CNTNAP2: variants seen among roughly 807,000 people sequenced by gnomAD.
CNTNAP2 encodes the protein contactin associated protein 2, also known as contactin-associated protein-like 2.
A neutral mutation model predicts 155.2 loss-of-function variants in CNTNAP2; 98 were observed. The observed-to-expected ratio is 0.63, with a 90% CI of 0.54 to 0.75. The LOEUF is 0.75. CNTNAP2 is among the 30% of genes least tolerant of loss of function. The probability of loss-of-function intolerance (pLI) is 0.00; values close to 1 mark genes in which losing one functional copy is unlikely to be tolerated. For missense variants in CNTNAP2, 1,727 were observed against 1,688.1 expected (o/e 1.02, Z -0.40); for synonymous variants, 651 against 631.2 (o/e 1.03, Z -0.47).
In CNTNAP2 at chr7:146,445,110, A is replaced by C. The variant is rs1796383956; in HGVS notation, c.97+328137A>C. ...CAGGAAGGGTCAGATTTTATACCAGAGTCACCAAAATTTTTATCCAGGGAG... is the reference window on the plus strand; with the variant it reads ...CAGGAAGGGTCAGATTTTATACCAGCGTCACCAAAATTTTTATCCAGGGAG... On this transcript the variant is annotated intron_variant, in intron 1 of 23. Transcript: ENST00000361727. 3.0e-5 allele frequency among the ~76,000 whole-genome samples: 3 copies of C among 101,462 alleles called. No homozygotes were observed. The South Asian group carries it at 6.8e-4, about 23-fold the overall frequency. 66.6% of individuals were successfully genotyped at this position (101,462 alleles called of 152,430 possible).
At chr7:147,442,655 C>T (rs1303417480) in intron 10 of CNTNAP2, among the ~76,000 whole-genome samples, 2 of 152,142 alleles carry the variant, frequency 1.3e-5, no homozygotes, top group African/African-American at 2.4e-5. Flanking sequence ...ACCCAAGGCC[C>T]TCAGTGTAGT....
intron 13 of CNTNAP2, among the ~76,000 whole-genome samples, chr7:147,822,931 G>A (rs544273094): frequency 1.2e-4 from 18 of 152,266 alleles, no homozygotes; most frequent in East Asian, 5.8e-4. Context: ...CAAGAGACAA[G>A]GGTTGGTACA....
At chr7:148,069,731 G>A (rs1320763015) in intron 15 of CNTNAP2, among the ~76,000 whole-genome samples, 4 of 146,280 alleles carry the variant, frequency 2.7e-5, no homozygotes, top group African/African-American at 1.0e-4. Context: ...CTGCACTCCA[G>A]CCTGGGTGAC....
At chr7:147,094,658 G>A (rs1040283851) in intron 4 of CNTNAP2, among the ~76,000 whole-genome samples, 3 of 151,750 alleles carry the variant, frequency 2.0e-5, no homozygotes, top group South Asian at 2.1e-4. Flanking sequence ...CGCCTGTCTC[G>A]GCCTCCGAAA....
intron 13 of CNTNAP2, among the ~76,000 whole-genome samples, chr7:147,758,233 T>C (rs1449483867): frequency 3.9e-5 from 6 of 152,350 alleles, no homozygotes; most frequent in African/African-American, 9.6e-5. Context: ...TAACATCAGC[T>C]AAAAGTCTGT....
chr7:147,539,547 G>A (rs1165552388), intron 11 of CNTNAP2, among the ~76,000 whole-genome samples: 1 of 152,162 alleles, frequency 6.6e-6, no homozygotes, highest in Non-Finnish European at 1.5e-5. Context: ...AACAAATTGA[G>A]ATTCTTGAAA....
chr7:147,658,770 C>G (rs1795569059), intron 13 of CNTNAP2, among the ~76,000 whole-genome samples: 1 of 152,206 alleles, frequency 6.6e-6, no homozygotes, highest in Admixed American at 6.5e-5. Flanking sequence ...CAAACTTGAT[C>G]TTGTTTACTG....
intron 13 of CNTNAP2, among the ~76,000 whole-genome samples, chr7:147,798,437 T>C (rs1432879228): frequency 1.3e-5 from 2 of 152,190 alleles, no homozygotes; most frequent in African/African-American, 2.4e-5. Context: ...CAGAGGTAAG[T>C]TTACTCCAGG....
chr7:146,803,663 T>C (rs1232899849), intron 2 of CNTNAP2, among the ~76,000 whole-genome samples: 1 of 152,208 alleles, frequency 6.6e-6, no homozygotes, highest in Admixed American at 6.5e-5. Context: ...CCTGGAAATA[T>C]AGATGCATAT....
intron 5 of CNTNAP2, among the ~76,000 whole-genome samples, chr7:147,113,629 A>G (rs1009560174): frequency 6.6e-6 from 1 of 152,112 alleles, no homozygotes; most frequent in Non-Finnish European, 1.5e-5. Flanking sequence ...GAACTCAATC[A>G]CTATGATGAG....
intron 2 of CNTNAP2, among the ~76,000 whole-genome samples, chr7:146,812,442 A>AAATATATATATATATATATATAT (rs1206681484): frequency 1.4e-5 from 2 of 141,780 alleles, no homozygotes; most frequent in African/African-American, 5.6e-5. Flanking sequence ...TATATATATA[A>AAATATATATATATATATATATAT]AAAATATATA....
At chr7:147,443,977 G>T (rs1162306046) in intron 10 of CNTNAP2, among the ~76,000 whole-genome samples, 1 of 152,038 alleles carries the variant, frequency 6.6e-6, no homozygotes, top group African/African-American at 2.4e-5. Context: ...TTCTTCTTTG[G>T]ATCTCAGTCT....
chr7:146,258,047 T>C (rs1473510371), intron 1 of CNTNAP2, among the ~76,000 whole-genome samples: 1 of 152,000 alleles, frequency 6.6e-6, no homozygotes, highest in Non-Finnish European at 1.5e-5. Flanking sequence ...TGCACCACCA[T>C]TGCCTGACTA....
At chr7:146,702,484 A>G (rs1188839683) in intron 1 of CNTNAP2, among the ~76,000 whole-genome samples, 1 of 152,144 alleles carries the variant, frequency 6.6e-6, no homozygotes, top group African/African-American at 2.4e-5. Flanking sequence ...CTAATCGAAC[A>G]TTTTGTGATG....
chr7:147,639,837 G>A (rs1795244650), intron 13 of CNTNAP2, among the ~76,000 whole-genome samples: 1 of 152,148 alleles, frequency 6.6e-6, no homozygotes, highest in African/African-American at 2.4e-5. Flanking sequence ...GTGTGAGTGT[G>A]CACATGCAAA....
At chr7:146,693,385 T>A (rs780754638) in intron 1 of CNTNAP2, among the ~76,000 whole-genome samples, 1 of 152,142 alleles carries the variant, frequency 6.6e-6, no homozygotes, top group Admixed American at 6.6e-5. Context: ...AATCAAAATT[T>A]TATAACTCCA....
At chr7:147,390,404 G>T (rs1269596393) in intron 9 of CNTNAP2, among the ~76,000 whole-genome samples, 2 of 152,126 alleles carry the variant, frequency 1.3e-5, no homozygotes, top group Non-Finnish European at 2.9e-5. Flanking sequence ...TTCTGTAAGA[G>T]GCCAGTAATT....
chr7:147,539,360 T>G (rs560135153), intron 11 of CNTNAP2, among the ~76,000 whole-genome samples: 1 of 152,250 alleles, frequency 6.6e-6, no homozygotes, highest in African/African-American at 2.4e-5. Flanking sequence ...ATAATGGAAC[T>G]GGGACACTAA....
intron 1 of CNTNAP2, among the ~76,000 whole-genome samples, chr7:146,513,928 AG>A (rs1394352235): frequency 6.6e-5 from 10 of 151,896 alleles, no homozygotes; most frequent in Non-Finnish European, 1.0e-4. Flanking sequence ...TCATTCCTTC[AG>A]GTTTGAAGGA....
Sources: gnomAD v4.1 joint callset for allele counts (sites outside exome capture counted in the v4.1 genomes callset) on GRCh38, gnomAD v4.1.1 for gene constraint, MANE v1.5 for transcripts, NCBI Gene and HGNC (gene_info 2026-07-23, HGNC 2026-07-21) for gene names.